The following PPFIBP1 variants were observed in gnomAD, a reference collection of about 807,000 sequenced individuals.
The protein encoded by PPFIBP1 is PPFIB scaffold protein 1.
A neutral mutation model predicts 137.8 loss-of-function variants in PPFIBP1; 112 were observed. The ratio of observed to expected loss-of-function variants is 0.81; its 90% CI spans 0.70 to 0.95. PPFIBP1 has a LOEUF of 0.95. PPFIBP1 is among the 40% of genes least tolerant of loss of function. The probability of loss-of-function intolerance (pLI) is 0.00; values close to 1 mark genes in which losing one functional copy is unlikely to be tolerated. For synonymous variants in PPFIBP1, 378 were observed against 417.3 expected, an observed-to-expected ratio of 0.91 and a Z score of 1.15; for missense variants, 1,083 against 1,196.6, an observed-to-expected ratio of 0.91 and a Z score of 1.40.
At chr12:27,664,586 C>A in intron 12 of PPFIBP1, 140 bp downstream of exon 12, 2 of 590,650 alleles carry the variant, frequency 3.4e-6, no homozygotes, top group Non-Finnish European at 6.3e-6. Flanking sequence ...AACAATTAGG[C>A]AACTGTACTC....
intron 1 of PPFIBP1, among the ~76,000 whole-genome samples, chr12:27,566,859 AG>A (rs2049723413): frequency 6.6e-6 from 1 of 152,206 alleles, no homozygotes. Flanking sequence ...GTACCAGAAA[AG>A]GGAGTTGAGG....
intron 24 of PPFIBP1, among the ~76,000 whole-genome samples, chr12:27,685,369 G>A (rs1339403137): frequency 2.0e-5 from 3 of 151,850 alleles, no homozygotes; most frequent in African/African-American, 2.4e-5. Context: ...GGAAGGAATC[G>A]AGAGGTTGGG....
chr12:27,604,476 TTAGTA>T (rs2054308152), intron 2 of PPFIBP1, among the ~76,000 whole-genome samples: 1 of 152,188 alleles, frequency 6.6e-6, no homozygotes, highest in African/African-American at 2.4e-5. Flanking sequence ...AGAGTTCCCA[TTAGTA>T]GACCTGCCTG....
intron 2 of PPFIBP1, among the ~76,000 whole-genome samples, chr12:27,611,901 C>T (rs1237025361): frequency 6.6e-6 from 1 of 152,072 alleles, no homozygotes; most frequent in Non-Finnish European, 1.5e-5. Context: ...AAGGGGACCA[C>T]GTCTTTCCCC....
intron 1 of PPFIBP1, chr12:27,552,790 T>C (rs1412910604): frequency 6.6e-6 from 1 of 152,190 alleles, no homozygotes; most frequent in Non-Finnish European, 1.5e-5. Context: ...TTCTGAATAT[T>C]GCATGGACAA....
chr12:27,641,946 AAAATAAATAAAT>A (rs55663709), intron 4 of PPFIBP1, among the ~76,000 whole-genome samples: 105 of 147,900 alleles, frequency 7.1e-4, no homozygotes, highest in Non-Finnish European at 9.0e-4. Context: ...TGCAACTGCA[AAAATAAATAAAT>A]AAATAAATAA....
chr12:27,602,968 C>T lies in PPFIBP1; in HGVS notation c.-36+24729C>T, dbSNP rs995497193. On this transcript the variant is annotated intron_variant, in intron 2 of 29. Transcript: ENST00000228425. ...TGGCCAGGCTATTGCATGATGGAAC[C>T]AGTTGCTAAAGAAATTCAAATTGTT... Among the ~76,000 whole-genome samples, 6 of 152,218 alleles carry T rather than the reference C, an allele frequency of 3.9e-5. 1 individual carries two copies. The Middle Eastern group carries it at 0.014, about 345-fold the overall frequency.
At chr12:27,537,768 C>T (rs1945209684) in intron 1 of PPFIBP1, among the ~76,000 whole-genome samples, 1 of 151,818 alleles carries the variant, frequency 6.6e-6, no homozygotes, top group East Asian at 2.0e-4. Flanking sequence ...ATGGACTGGG[C>T]ATGGGGAGAA....
At chr12:27,648,442 G>T (rs1309516107) in intron 6 of PPFIBP1, among the ~76,000 whole-genome samples, 2 of 152,116 alleles carry the variant, frequency 1.3e-5, no homozygotes, top group Non-Finnish European at 2.9e-5. Flanking sequence ...CAGTTTGGAG[G>T]TTCCTCAAAA....
At chr12:27,584,570 A>T (rs558625206) in intron 2 of PPFIBP1, among the ~76,000 whole-genome samples, 25 of 152,344 alleles carry the variant, frequency 1.6e-4, no homozygotes, top group African/African-American at 4.8e-4. Context: ...AATAGAAGCA[A>T]AATAATCCCA....
intron 1 of PPFIBP1, among the ~76,000 whole-genome samples, chr12:27,560,639 A>G (rs2049080528): frequency 6.6e-6 from 1 of 152,212 alleles, no homozygotes; most frequent in African/African-American, 2.4e-5. Flanking sequence ...AGTTACTTAC[A>G]TCAACACAGC....
chr12:27,670,542 T>A (rs1565981329), intron 13 of PPFIBP1, among the ~76,000 whole-genome samples: 1 of 152,144 alleles, frequency 6.6e-6, no homozygotes, highest in South Asian at 2.1e-4. Flanking sequence ...TTTGGGAGGC[T>A]GAGGCAGGAG....
intron 13 of PPFIBP1, among the ~76,000 whole-genome samples, chr12:27,668,234 G>T (rs752339332): frequency 6.6e-6 from 1 of 152,276 alleles, no homozygotes; most frequent in Non-Finnish European, 1.5e-5. Flanking sequence ...CGAGATGTGG[G>T]TGAAGCTCCT....
intron 1 of PPFIBP1, among the ~76,000 whole-genome samples, chr12:27,540,223 A>ATT (rs549113210): frequency 8.2e-5 from 12 of 146,232 alleles, no homozygotes; most frequent in Non-Finnish European, 1.1e-4. Context: ...TGTCTGGCTA[A>ATT]TTTTTTTTTT....
intron 2 of PPFIBP1, among the ~76,000 whole-genome samples, chr12:27,620,104 T>C (rs2056189579): frequency 6.6e-6 from 1 of 152,172 alleles, no homozygotes; most frequent in South Asian, 2.1e-4. Flanking sequence ...TCTGAATTGT[T>C]GCAGTTGTTT....
At chr12:27,648,057 A>C (rs780292546) in intron 6 of PPFIBP1, 33 of 530,326 alleles carry the variant, frequency 6.2e-5, no homozygotes, top group Non-Finnish European at 8.1e-5. Context: ...AAATGTCAAT[A>C]GGATTGTGGC....
chr12:27,645,402 T>C lies in PPFIBP1; in HGVS notation c.271-660T>C, dbSNP rs142903647. 3.3e-3 allele frequency among the ~76,000 whole-genome samples: 499 copies of C among 152,124 alleles called. 2 individuals are homozygous for C. Among genetic ancestry groups the C allele is most frequent in the African/African-American group, 0.011 (468 of 41,474 alleles). On this transcript the variant is annotated intron_variant, in intron 4 of 29. Transcript: ENST00000228425. ...ATCGTTTCTCAATCTATACTTCCTT[T>C]GGCATTTATACCACGCATAAATATA...
At chr12:27,542,958 G>C (rs1480103789) in intron 1 of PPFIBP1, among the ~76,000 whole-genome samples, 1 of 152,038 alleles carries the variant, frequency 6.6e-6, no homozygotes, top group Admixed American at 6.6e-5. Flanking sequence ...TAAACATTCA[G>C]GTACCAGAGC....
intron 19 of PPFIBP1, 100 bp downstream of exon 19, chr12:27,677,196 C>T: frequency 7.1e-7 from 1 of 1,416,720 alleles, no homozygotes; most frequent in Non-Finnish European, 9.9e-7. Context: ...GATCTGACAG[C>T]AATCAGAAAA....
Sources: allele counts gnomAD v4.1 joint callset (sites outside exome capture counted in the v4.1 genomes callset), GRCh38; gene constraint gnomAD v4.1.1; transcripts MANE v1.5; gene names NCBI Gene and HGNC (gene_info 2026-07-23, HGNC 2026-07-21).